Variants in CADM2 observed in about 807,000 individuals in gnomAD.
CADM2 encodes immunoglobulin superfamily member 4D.
Under a neutral mutation model 49.8 loss-of-function variants are expected in CADM2, and 12 were observed. That is an observed-to-expected ratio of 0.24 (90% CI 0.15 to 0.39). The LOEUF is 0.39. Among genes scored for constraint, CADM2 ranks in the 10% least tolerant of loss-of-function variants. CADM2 has a pLI of 1.00. For synonymous variants in CADM2, 214 were observed against 175.4 expected (o/e 1.22, Z -1.74); for missense variants, 378 against 492.3 (o/e 0.77, Z 2.20).
chr3:85,467,098 G>T (rs1455153566), intron 1 of CADM2, among the ~76,000 whole-genome samples: 1 of 152,092 alleles, frequency 6.6e-6, no homozygotes, highest in African/African-American at 2.4e-5. Context: ...ACTACCCTAT[G>T]TTGACTACAA....
intron 8 of CADM2, among the ~76,000 whole-genome samples, chr3:86,005,266 T>G (rs983813941): frequency 6.6e-6 from 1 of 152,180 alleles, no homozygotes; most frequent in African/African-American, 2.4e-5. Flanking sequence ...TTAAATAATT[T>G]TGTGGCCGGG....
chr3:86,037,026 GC>G (rs1320299560), intron 8 of CADM2, among the ~76,000 whole-genome samples: 2 of 151,724 alleles, frequency 1.3e-5, no homozygotes, highest in Non-Finnish European at 2.9e-5. Context: ...TTGTCTCTTT[GC>G]TTTTATCTTC....
At chr3:85,702,823 C>A (rs1054170334) in intron 1 of CADM2, among the ~76,000 whole-genome samples, 1 of 152,100 alleles carries the variant, frequency 6.6e-6, no homozygotes, top group Non-Finnish European at 1.5e-5. Context: ...GAGTGTTAAT[C>A]CATTGGAGTA....
intron 1 of CADM2, among the ~76,000 whole-genome samples, chr3:85,154,860 A>C (rs1265616090): frequency 1.3e-5 from 2 of 150,892 alleles, no homozygotes; most frequent in Non-Finnish European, 2.9e-5. Context: ...GTGAAGGAGA[A>C]ATAAAATACT....
chr3:85,890,557 C>T (rs972416875), intron 5 of CADM2, among the ~76,000 whole-genome samples: 10 of 152,154 alleles, frequency 6.6e-5, no homozygotes, highest in Middle Eastern at 3.4e-3. Context: ...GATAGATTAT[C>T]GGACCCAGAA....
In CADM2 at chr3:86,072,428, A is replaced by C. The variant is rs2107467912; in HGVS notation, c.*5645A>C. 6.6e-6 allele frequency: 1 copy of C among 151,878 alleles called. No individual in the cohort carries two copies. The highest frequency in any genetic ancestry group is 2.1e-4 in the South Asian group (1 of 4,822). The allele number at this position is 151,878 out of a possible 1,614,324, so 9.4% of individuals were successfully genotyped here. A position where few individuals can be genotyped will look rare whatever the true frequency, so the allele number is the denominator to read the frequency against. ...AAAACAAAAAAAACAAAAAAAAAAC[A>C]CTATTTTCCCCTACGAAATATACTG... On this transcript the variant is annotated 3_prime_UTR_variant, in exon 10 of 10. Transcript: ENST00000383699.
chr3:85,011,494 A>G (rs984281959), intron 1 of CADM2, among the ~76,000 whole-genome samples: 2 of 152,220 alleles, frequency 1.3e-5, no homozygotes, highest in Non-Finnish European at 2.9e-5. Context: ...AAAAATGAAC[A>G]TAGCAATTCC....
chr3:85,925,589 G>A (rs1162536494), intron 6 of CADM2, among the ~76,000 whole-genome samples: 1 of 152,080 alleles, frequency 6.6e-6, no homozygotes, highest in African/African-American at 2.4e-5. Context: ...GTTAACCCTT[G>A]GTATTTTAAC....
At chr3:85,298,396 C>A (rs1282260910) in intron 1 of CADM2, among the ~76,000 whole-genome samples, 2 of 152,046 alleles carry the variant, frequency 1.3e-5, no homozygotes, top group Non-Finnish European at 2.9e-5. Context: ...TTGCTTGCAG[C>A]AGCACTGATG....
At chr3:85,519,606 C>T (rs543258377) in intron 1 of CADM2, among the ~76,000 whole-genome samples, 25 of 152,056 alleles carry the variant, frequency 1.6e-4, no homozygotes, top group African/African-American at 5.8e-4. Flanking sequence ...TCATTTTAAC[C>T]TGACTCATTA....
chr3:85,107,399 A>G (rs532838281), intron 1 of CADM2, among the ~76,000 whole-genome samples: 3 of 152,142 alleles, frequency 2.0e-5, no homozygotes, highest in African/African-American at 7.2e-5. Context: ...CAAAGCCACA[A>G]TGATATACCA....
At chr3:85,354,177 TA>T (rs1236751750) in intron 1 of CADM2, among the ~76,000 whole-genome samples, 7 of 151,966 alleles carry the variant, frequency 4.6e-5, no homozygotes, top group Non-Finnish European at 1.0e-4. Context: ...AATATTGAAT[TA>T]CATTATCGTG....
At chr3:85,848,884 A>G (rs1387119076) in intron 3 of CADM2, among the ~76,000 whole-genome samples, 1 of 152,058 alleles carries the variant, frequency 6.6e-6, no homozygotes, top group Admixed American at 6.5e-5. Context: ...ATTTTTTTTT[A>G]GTCTGTATTA....
At chr3:85,733,408 A>G (rs905653069) in intron 2 of CADM2, among the ~76,000 whole-genome samples, 1 of 152,154 alleles carries the variant, frequency 6.6e-6, no homozygotes, top group African/African-American at 2.4e-5. Context: ...TTCTCACTGT[A>G]TAGGGATATT....
chr3:85,256,157 T>A lies in CADM2; in HGVS notation c.61+296489T>A, dbSNP rs186947358. On this transcript the variant is annotated intron_variant, in intron 1 of 9. Transcript: ENST00000383699. ...CCTCTGGGTTCTCACTGTGAATCTC[T>A]CCACCCCTGCAGCTCCTGGTTAGCA... 2.0e-5 allele frequency among the ~76,000 whole-genome samples: 3 copies of A among 152,120 alleles called. No homozygotes were observed. The East Asian group carries it at 5.8e-4, about 30-fold the overall frequency.
intron 1 of CADM2, among the ~76,000 whole-genome samples, chr3:85,359,302 G>A (rs1248043004): frequency 6.6e-6 from 1 of 151,970 alleles, no homozygotes; most frequent in East Asian, 1.9e-4. Flanking sequence ...TTTCAGTATA[G>A]CATTGCATTA....
intron 1 of CADM2, among the ~76,000 whole-genome samples, chr3:85,050,598 A>T (rs914827149): frequency 6.6e-6 from 1 of 152,154 alleles, no homozygotes; most frequent in Non-Finnish European, 1.5e-5. Flanking sequence ...GAAGTGAGAG[A>T]TCTAGAAATA....
chr3:85,852,376 G>A lies in CADM2; in HGVS notation c.239-30915G>A, dbSNP rs373065770. Among the ~76,000 whole-genome samples, 14 of 152,138 alleles carry A rather than the reference G, an allele frequency of 9.2e-5. No homozygotes were observed. The East Asian group carries it at 2.5e-3, about 27-fold the overall frequency. On this transcript the variant is annotated intron_variant, in intron 3 of 9. Transcript: ENST00000383699. ...TTTTTCTCTCTCCAGAAGACTGATA[G>A]CTGGTAGCAAAGATCTTGTCTTAAT...
intron 3 of CADM2, among the ~76,000 whole-genome samples, chr3:85,851,138 AT>A (rs1344326309): frequency 6.6e-6 from 1 of 152,144 alleles, no homozygotes; most frequent in Non-Finnish European, 1.5e-5. Context: ...AAACATTTTA[AT>A]TGTGTAGTTT....
Sources: allele counts gnomAD v4.1 joint callset (sites outside exome capture counted in the v4.1 genomes callset), GRCh38; gene constraint gnomAD v4.1.1; transcripts MANE v1.5; gene names NCBI Gene and HGNC (gene_info 2026-07-23, HGNC 2026-07-21).